Variants in FKBP5 observed in about 807,000 individuals in gnomAD.
FKBP5 encodes the protein FKBP prolyl isomerase 5, also known as peptidyl-prolyl cis-trans isomerase FKBP5.
Under a neutral mutation model 50.5 loss-of-function variants are expected in FKBP5, and 23 were observed. The ratio of observed to expected loss-of-function variants is 0.46; its 90% CI spans 0.33 to 0.65. The LOEUF (loss-of-function observed/expected upper bound fraction) is 0.65, where lower values mean the gene tolerates loss of function less well. Ranked by LOEUF, FKBP5 falls within the 30% of genes least tolerant of loss-of-function variation. The pLI, the probability that FKBP5 is intolerant of heterozygous loss-of-function variation, is 0.02. For synonymous variants in FKBP5, 176 were observed against 190.6 expected (o/e 0.92, Z 0.63); for missense variants, 411 against 553.1 (o/e 0.74, Z 2.58).
At chr6:35,631,695 G>A (rs1764159757) in intron 3 of FKBP5, among the ~76,000 whole-genome samples, 1 of 152,008 alleles carries the variant, frequency 6.6e-6, no homozygotes, top group Non-Finnish European at 1.5e-5. Flanking sequence ...GGTGGCTCAC[G>A]CCTGTAATCT....
intron 3 of FKBP5, among the ~76,000 whole-genome samples, chr6:35,626,461 T>C (rs750132641): frequency 1.5e-4 from 23 of 152,172 alleles, no homozygotes; most frequent in Admixed American, 7.9e-4. Context: ...TACATAATGT[T>C]TTCTCCTTGA....
At chr6:35,682,070 A>C (rs1181476258) in intron 1 of FKBP5, among the ~76,000 whole-genome samples, 2 of 128,394 alleles carry the variant, frequency 1.6e-5, no homozygotes, top group African/African-American at 8.1e-5. Context: ...TTACCCTGTT[A>C]GGTTTCAATG....
chr6:35,606,872 G>A (rs1392034759), intron 5 of FKBP5, among the ~76,000 whole-genome samples: 3 of 152,016 alleles, frequency 2.0e-5, no homozygotes, highest in Non-Finnish European at 4.4e-5. Flanking sequence ...TACAACCAAA[G>A]GAAAATAAAT....
intron 3 of FKBP5, among the ~76,000 whole-genome samples, chr6:35,634,534 A>G (rs972852622): frequency 1.3e-5 from 2 of 152,188 alleles, no homozygotes; most frequent in Non-Finnish European, 2.9e-5. Flanking sequence ...TTCACCAGGC[A>G]CACAAATGAT....
At chr6:35,625,696 A>C (rs1260256284) in intron 3 of FKBP5, among the ~76,000 whole-genome samples, 1 of 148,674 alleles carries the variant, frequency 6.7e-6, no homozygotes, top group Admixed American at 6.7e-5. Flanking sequence ...AGATTGCGCC[A>C]CTGCACTCCA....
rs142939977 is a variant in FKBP5, at chr6:35,631,592, A to C, written c.250+5422T>G. ...AAATAATACCTCAATAAAAAAACCA[A>C]AGTGGCTTCGACACAAATATTAATA... On this transcript the variant is annotated intron_variant, in intron 3 of 10. Transcript: ENST00000357266. Among the ~76,000 whole-genome samples, 657 of 152,290 alleles carry C rather than the reference A, an allele frequency of 4.3e-3. 4 individuals carry two copies. The highest frequency in any genetic ancestry group is 0.015 in the African/African-American group (607 of 41,560).
At chr6:35,708,833 T>C (rs776119146) in intron 2 of FKBP5, among the ~76,000 whole-genome samples, 10 of 152,142 alleles carry the variant, frequency 6.6e-5, no homozygotes, top group Non-Finnish European at 8.8e-5. Flanking sequence ...TATTGAAACA[T>C]GAGGTAGAAG....
intron 5 of FKBP5, among the ~76,000 whole-genome samples, chr6:35,606,696 A>T (rs1278741404): frequency 3.1e-5 from 4 of 127,260 alleles, no homozygotes; most frequent in African/African-American, 5.9e-5. Context: ...AAAAAAAAAA[A>T]GTCAAAAAAG....
chr6:35,705,221 T>C (rs1766272802), intron 2 of FKBP5, among the ~76,000 whole-genome samples: 1 of 9,738 alleles, frequency 1.0e-4, no homozygotes, highest in Non-Finnish European at 1.7e-4. Context: ...CAAATATATA[T>C]ATATATATAT....
At chr6:35,688,039 A>G (rs1188804589) in intron 1 of FKBP5, among the ~76,000 whole-genome samples, 4 of 152,246 alleles carry the variant, frequency 2.6e-5, no homozygotes, top group African/African-American at 9.6e-5. Flanking sequence ...GAGCATAAGG[A>G]GCCCTGGCAC....
At chr6:35,723,816 C>A (rs1489536329) in intron 1 of FKBP5, among the ~76,000 whole-genome samples, 1 of 152,198 alleles carries the variant, frequency 6.6e-6, no homozygotes, top group Non-Finnish European at 1.5e-5. Flanking sequence ...GTGGTCCCTT[C>A]CTTGGGTGAT....
chr6:35,589,130 T>TATATTTTTATATATATATATATATATATA (rs1561846638), intron 7 of FKBP5, among the ~76,000 whole-genome samples: 11 of 112,948 alleles, frequency 9.7e-5, no homozygotes, highest in Admixed American at 1.9e-4. Context: ...ATATATATAT[T>TATATTTTTATATATATATATATATATATA]TTTTTTTTTT....
At chr6:35,605,351 T>A (rs2150968622) in intron 5 of FKBP5, among the ~76,000 whole-genome samples, 1 of 143,388 alleles carries the variant, frequency 7.0e-6, no homozygotes, top group South Asian at 2.4e-4. Context: ...AGGAACATAC[T>A]TCAAAATAAT....
chr6:35,623,830 C>T (rs894372808), intron 3 of FKBP5, among the ~76,000 whole-genome samples: 4 of 151,718 alleles, frequency 2.6e-5, no homozygotes, highest in Admixed American at 1.3e-4. Flanking sequence ...GAATCTCCTG[C>T]CTCTGCCTCC....
At chr6:35,676,516 AC>A (rs1171345778) in intron 1 of FKBP5, among the ~76,000 whole-genome samples, 1 of 152,176 alleles carries the variant, frequency 6.6e-6, no homozygotes, top group Non-Finnish European at 1.5e-5. Context: ...TAGTGGCAAC[AC>A]TCCTGAATCT....
At chr6:35,608,799 G>GTTT (rs1763408147) in intron 5 of FKBP5, among the ~76,000 whole-genome samples, 1 of 152,030 alleles carries the variant, frequency 6.6e-6, no homozygotes, top group South Asian at 2.1e-4. Flanking sequence ...TGTTATTATT[G>GTTT]TTTTATTATT....
chr6:35,619,203 A>G lies in FKBP5; in HGVS notation c.401T>C (p.Leu134Pro). The change falls in exon 5 of 11, where the codon CTC becomes CCC. Residue 134 changes from leucine (L) to proline (P), a missense_variant. Leu to Pro is a moderately conservative substitution (Grantham distance 98). Coordinates refer to ENST00000357266, the MANE Select transcript of FKBP5 (RefSeq NM_004117.4). ...TAAATCCTCTCCTTTGAAATCAAGG[A>G]GCTCAATCTAGAAAGAAAAAAGGAA... ...SNATLFFEIE[L>P]LDFKGEDLFE... is the part of the protein sequence containing the mutation. 6.2e-7 allele frequency: 1 copy of G among 1,609,492 alleles called. No individual in the cohort carries two copies.
At chr6:35,640,232 T>C (rs976629542) in intron 2 of FKBP5, among the ~76,000 whole-genome samples, 7 of 152,224 alleles carry the variant, frequency 4.6e-5, no homozygotes, top group African/African-American at 1.7e-4. Flanking sequence ...CTGGCCTACT[T>C]GTACACACCC....
At chr6:35,583,534 C>T in intron 8 of FKBP5, 1 of 985,436 alleles carries the variant, frequency 1.0e-6, no homozygotes, top group Non-Finnish European at 1.2e-6. Context: ...GTCTTGTACT[C>T]CCTGCTTCTG....
Sources: allele counts gnomAD v4.1 joint callset (sites outside exome capture counted in the v4.1 genomes callset), GRCh38; gene constraint gnomAD v4.1.1; transcripts MANE v1.5; gene names NCBI Gene and HGNC (gene_info 2026-07-23, HGNC 2026-07-21).